SCTR: variants seen among roughly 807,000 people sequenced by gnomAD.
SCTR encodes the protein secretin receptor.
In SCTR, 56 loss-of-function variants were observed where a neutral mutation model predicts 60.8. The observed-to-expected ratio is 0.92, with a 90% CI of 0.74 to 1.15. The LOEUF is 1.15. Ranked by LOEUF, SCTR falls within the 50% of genes most tolerant of loss-of-function variation. The pLI is 0.00. For synonymous variants in SCTR, 202 were observed against 217.0 expected, an observed-to-expected ratio of 0.93 and a Z score of 0.61; for missense variants, 562 against 550.4, an observed-to-expected ratio of 1.02 and a Z score of -0.21.
chr2:119,475,049 G>A (rs1202301523), intron 3 of SCTR, among the ~76,000 whole-genome samples: 3 of 152,204 alleles, frequency 2.0e-5, no homozygotes, highest in East Asian at 3.9e-4. Flanking sequence ...GAGAGCACAC[G>A]GAAAATGCCT....
chr2:119,485,648 C>T (rs943139052), intron 2 of SCTR, among the ~76,000 whole-genome samples: 2 of 152,226 alleles, frequency 1.3e-5, no homozygotes, highest in Non-Finnish European at 2.9e-5. Context: ...CCTCCATGTC[C>T]CTGGTGCTCA....
intron 9 of SCTR, among the ~76,000 whole-genome samples, chr2:119,449,963 G>GGGAA (rs1352817783): frequency 4.2e-5 from 3 of 71,128 alleles, no homozygotes; most frequent in African/African-American, 1.9e-4. Flanking sequence ...GAAGGAAGGA[G>GGGAA]GGAGGGAGGG....
intron 8 of SCTR, among the ~76,000 whole-genome samples, chr2:119,452,922 G>A (rs1458347678): frequency 6.6e-6 from 1 of 152,174 alleles, no homozygotes; most frequent in Non-Finnish European, 1.5e-5. Context: ...ACACCCAGGG[G>A]TAGAGAGGCA....
At chr2:119,441,518 G>C (rs1242034779) in intron 12 of SCTR, 40 bp downstream of exon 12, 2 of 1,557,434 alleles carry the variant, frequency 1.3e-6, no homozygotes, top group East Asian at 2.2e-5. Context: ...CCAATGGCTA[G>C]GAGCTCTCCT....
intron 1 of SCTR, among the ~76,000 whole-genome samples, chr2:119,516,292 C>T (rs576244476): frequency 3.3e-5 from 5 of 152,162 alleles, no homozygotes; most frequent in Non-Finnish European, 4.4e-5. Context: ...CACTATTCAC[C>T]ATTGCCAAGA....
At chr2:119,475,691 TATAAA>T (rs1677250807) in intron 3 of SCTR, among the ~76,000 whole-genome samples, 1 of 147,290 alleles carries the variant, frequency 6.8e-6, no homozygotes, top group Non-Finnish European at 1.5e-5. Context: ...ATATTATAAA[TATAAA>T]ATAAATATAT....
chr2:119,440,800 CT>C (rs1284675499), intron 12 of SCTR, among the ~76,000 whole-genome samples: 3 of 152,196 alleles, frequency 2.0e-5, no homozygotes, highest in African/African-American at 7.2e-5. Context: ...CAGAACTGAT[CT>C]GGGAACTAGG....
intron 1 of SCTR, among the ~76,000 whole-genome samples, chr2:119,517,529 G>A (rs1251060954): frequency 2.6e-5 from 4 of 152,202 alleles, no homozygotes; most frequent in African/African-American, 9.6e-5. Context: ...AAGGGCACTG[G>A]TGAGGCTGGT....
intron 1 of SCTR, among the ~76,000 whole-genome samples, chr2:119,511,323 A>G (rs1382006935): frequency 1.3e-5 from 2 of 152,198 alleles, no homozygotes; most frequent in African/African-American, 4.8e-5. Context: ...AAATCTCCCT[A>G]CATATACTTC....
rs533110949 is a variant in SCTR, at chr2:119,449,601, A to G, written c.922-821T>C. 7.2e-5 allele frequency among the ~76,000 whole-genome samples: 11 copies of G among 152,174 alleles called. No homozygotes were observed. The East Asian group carries it at 2.1e-3, about 29-fold the overall frequency. ...AACCCCAGTGCCCAGTGCCAACAAC[A>G]TTAGGAAGTTGCCCACATGGTAGCA... On this transcript the variant is annotated intron_variant, in intron 9 of 12. Transcript: ENST00000019103.
chr2:119,477,396 T>C lies in SCTR; in HGVS notation c.301+1415A>G, dbSNP rs2104844590. On this transcript the variant is annotated intron_variant, in intron 3 of 12. Coordinates refer to ENST00000019103, the MANE Select transcript of SCTR (RefSeq NM_002980.3). ...CTGGGGTCACCGTGTAGAGGAGAGC[T>C]GCCTGCTAATCAGGAATACCTGTTT... 1.3e-5 allele frequency among the ~76,000 whole-genome samples: 2 copies of C among 152,294 alleles called. 1 individual carries two copies. Among genetic ancestry groups the C allele is most frequent in the Non-Finnish European group, 2.9e-5 (2 of 68,030 alleles).
At chr2:119,516,776 A>G (rs1679129576) in intron 1 of SCTR, among the ~76,000 whole-genome samples, 2 of 152,114 alleles carry the variant, frequency 1.3e-5, no homozygotes, top group African/African-American at 4.8e-5. Context: ...CCTGGCCAAC[A>G]TGGTGGAACC....
At chr2:119,494,362 C>T (rs1368040691) in intron 2 of SCTR, 66 bp downstream of exon 2, 4 of 1,567,170 alleles carry the variant, frequency 2.6e-6, no homozygotes, top group Admixed American at 1.7e-5. Context: ...ATAAGCTCCC[C>T]CTGCCCAGCA....
intron 5 of SCTR, among the ~76,000 whole-genome samples, chr2:119,464,582 A>T (rs993636716): frequency 1.7e-4 from 26 of 152,158 alleles, no homozygotes; most frequent in African/African-American, 6.3e-4. Flanking sequence ...TCTACAAAAA[A>T]ATTGTTTTTG....
intron 2 of SCTR, among the ~76,000 whole-genome samples, chr2:119,491,769 C>T (rs1339958840): frequency 6.6e-6 from 1 of 152,200 alleles, no homozygotes. Context: ...CCTCGGCCCT[C>T]CAAAGTGCTG....
At position 119,448,686 on chromosome 2, in the gene SCTR, T is replaced by A. The variant is rs1047082470; in HGVS notation, c.1013+3A>T. The A allele has an allele frequency of 1.3e-5, 20 of 1,539,066 alleles. No homozygotes were observed. Among genetic ancestry groups the A allele is most frequent in the Non-Finnish European group, 1.8e-5 (20 of 1,111,586 alleles). On this transcript the variant is annotated splice_donor_region_variant and intron_variant, in intron 10 of 12. Coordinates refer to ENST00000019103, the MANE Select transcript of SCTR (RefSeq NM_002980.3). Reference sequence around the variant, plus strand: ...CATGCCTCAGTCTTTGCCCTTCACTTACTTATAATGGCTGACTTCATTTCC... The same window carrying A: ...CATGCCTCAGTCTTTGCCCTTCACTAACTTATAATGGCTGACTTCATTTCC...
chr2:119,458,800 T>C (rs1214877571), intron 7 of SCTR, among the ~76,000 whole-genome samples: 1 of 152,112 alleles, frequency 6.6e-6, no homozygotes, highest in African/African-American at 2.4e-5. Flanking sequence ...ACGTCAGAAA[T>C]GCAGTCTCGG....
At chr2:119,452,713 T>C (rs1009147668) in intron 8 of SCTR, among the ~76,000 whole-genome samples, 20 of 152,206 alleles carry the variant, frequency 1.3e-4, no homozygotes, top group Non-Finnish European at 2.4e-4. Context: ...ATCCACTTAT[T>C]GGCCTGGTTG....
At chr2:119,468,907 G>T (rs1348026740) in intron 4 of SCTR, among the ~76,000 whole-genome samples, 5 of 152,188 alleles carry the variant, frequency 3.3e-5, no homozygotes, top group Non-Finnish European at 7.3e-5. Context: ...ACATGTAGAA[G>T]AAGGGCCAGA....
Sources: allele counts gnomAD v4.1 joint callset (sites outside exome capture counted in the v4.1 genomes callset), GRCh38; gene constraint gnomAD v4.1.1; transcripts MANE v1.5; gene names NCBI Gene and HGNC (gene_info 2026-07-23, HGNC 2026-07-21).